Variants in EHMT1 observed in about 807,000 individuals in gnomAD.
EHMT1 encodes the protein euchromatic histone lysine methyltransferase 1.
Under a neutral mutation model 147.2 loss-of-function variants are expected in EHMT1, and 15 were observed. The ratio of observed to expected loss-of-function variants is 0.10; its 90% CI spans 0.07 to 0.16. The LOEUF (loss-of-function observed/expected upper bound fraction) is 0.16. EHMT1 is among the 10% of genes least tolerant of loss of function. The probability of loss-of-function intolerance (pLI) is 1.00; values close to 1 mark genes in which losing one functional copy is unlikely to be tolerated. For missense variants in EHMT1, 1,587 were observed against 1,772.4 expected, an observed-to-expected ratio of 0.90 and a Z score of 1.88; for synonymous variants, 795 against 709.6, an observed-to-expected ratio of 1.12 and a Z score of -1.91.
intron 1 of EHMT1, among the ~76,000 whole-genome samples, chr9:137,621,676 G>T (rs1262505702): frequency 6.6e-6 from 1 of 152,086 alleles, no homozygotes; most frequent in Non-Finnish European, 1.5e-5. Flanking sequence ...CCCATTTGTG[G>T]ATTAGTTAGT....
intron 6 of EHMT1, among the ~76,000 whole-genome samples, chr9:137,745,057 A>G (rs1284831092): frequency 2.6e-5 from 4 of 152,260 alleles, no homozygotes; most frequent in Admixed American, 2.0e-4. Context: ...AGTGTGTCCA[A>G]CCATGTTTAT....
At chr9:137,649,833 G>T (rs1025110683) in intron 1 of EHMT1, among the ~76,000 whole-genome samples, 1 of 152,166 alleles carries the variant, frequency 6.6e-6, no homozygotes, top group Non-Finnish European at 1.5e-5. Context: ...CTCCAGAACT[G>T]CGAAAAGATA....
At chr9:137,695,157 C>T (rs28545345) in intron 1 of EHMT1, among the ~76,000 whole-genome samples, 6,011 of 152,308 alleles carry the variant, frequency 0.039, 400 homozygotes, top group African/African-American at 0.13. Flanking sequence ...GGCCGCCCGG[C>T]CCTGTGTGCC....
chr9:137,816,148 T>A, intron 23 of EHMT1, 86 bp downstream of exon 23: 1 of 1,281,656 alleles, frequency 7.8e-7, no homozygotes, highest in Non-Finnish European at 1.1e-6. Flanking sequence ...GACAAGAACT[T>A]AACGTGTTTG....
At chr9:137,712,592 G>A (rs773404300) in intron 2 of EHMT1, among the ~76,000 whole-genome samples, 6 of 152,198 alleles carry the variant, frequency 3.9e-5, no homozygotes, top group Non-Finnish European at 5.9e-5. Context: ...CTTCTTTGGA[G>A]AAATATCTCT....
Position 137,758,006 on chromosome 9 carries a change from C to T in EHMT1, c.1496C>T (p.Ala499Val), listed in dbSNP as rs755121153. The T allele has an allele frequency of 5.0e-5, 81 of 1,613,928 alleles. No homozygotes were observed. In the South Asian group the frequency reaches 6.0e-4, roughly 12 times the overall value. ...GTCAAAGGAATTCTGTCTTCACAAG[C>T]AGAAGGTGAATGTGGTGGTGTAACT... The part of the protein sequence containing the change: ...LRVKGILSSQ[A>V]EGLANGPDVL... The change falls in exon 9 of 27, where the codon GCA (alanine) becomes GTA (valine). Residue 499 changes from alanine to valine, a missense_variant. Transcript: ENST00000460843.
intron 1 of EHMT1, among the ~76,000 whole-genome samples, chr9:137,660,611 T>C (rs1208617860): frequency 1.3e-5 from 2 of 152,356 alleles, no homozygotes; most frequent in Admixed American, 6.5e-5. Flanking sequence ...CGGATATTAA[T>C]TGGAATTGCA....
intron 19 of EHMT1, among the ~76,000 whole-genome samples, chr9:137,812,687 C>T (rs918224980): frequency 6.6e-6 from 1 of 152,246 alleles, no homozygotes; most frequent in Non-Finnish European, 1.5e-5. Flanking sequence ...CTCCTTGCTT[C>T]CCTTCTTATC....
At chr9:137,774,215 C>A (rs1434889466) in intron 10 of EHMT1, among the ~76,000 whole-genome samples, 1 of 152,270 alleles carries the variant, frequency 6.6e-6, no homozygotes, top group Non-Finnish European at 1.5e-5. Flanking sequence ...ATACCCAGCC[C>A]AGAACCCCTC....
chr9:137,728,306 C>T (rs763509654), intron 3 of EHMT1, 43 bp from the exon 4 acceptor site: 2 of 1,613,400 alleles, frequency 1.2e-6, no homozygotes, highest in African/African-American at 1.3e-5. Flanking sequence ...TCAGTGACCA[C>T]CTGCTTATGC....
Position 137,711,025 on chromosome 9 carries a change from G to T in EHMT1, c.80G>T (p.Gly27Val). The T allele has an allele frequency of 1.3e-6, 2 of 1,591,962 alleles. No homozygotes were observed. The highest frequency in any genetic ancestry group is 1.3e-5 in the African/African-American group (1 of 74,722). ...TGCTGTGTGAAAACCGAGCTGCTGG[G>T]AGAAGGTGAGGGCGGTGTGCACCGA... The part of the protein sequence containing the change: ...QDCCVKTELL[G>V]EETPMAADEG... The change falls in exon 2 of 27, where the codon GGA becomes GTA. Residue 27 changes from glycine (G) to valine (V), a missense_variant. Around this residue, in one of 7 missense-constraint regions of EHMT1, gnomAD observed 810 missense variants for 673.0 expected, o/e 1.20. Transcript: ENST00000460843.
At chr9:137,763,042 A>C in intron 10 of EHMT1, 1 of 632,466 alleles carries the variant, frequency 1.6e-6, no homozygotes, top group Non-Finnish European at 2.8e-6. Context: ...CTGTGTAGAC[A>C]AAGTCTTTGA....
intron 1 of EHMT1, among the ~76,000 whole-genome samples, chr9:137,648,859 C>T (rs1417579148): frequency 1.3e-5 from 2 of 152,218 alleles, no homozygotes; most frequent in African/African-American, 4.8e-5. Flanking sequence ...CCTGACTTCT[C>T]TCCCTATCAT....
chr9:137,744,198 T>G (rs1948355744), intron 6 of EHMT1, 108 bp downstream of exon 6: 7 of 1,131,190 alleles, frequency 6.2e-6, no homozygotes, highest in Middle Eastern at 2.0e-4. Flanking sequence ...TAAAATCCCC[T>G]GTTTACAATT....
chr9:137,690,357 G>T (rs1942829771), intron 1 of EHMT1, among the ~76,000 whole-genome samples: 1 of 151,946 alleles, frequency 6.6e-6, no homozygotes, highest in Non-Finnish European at 1.5e-5. Context: ...TAATCAGACA[G>T]CAGGAGGCTG....
chr9:137,814,599 T>G (rs1954774521), intron 22 of EHMT1, 91 bp downstream of exon 22: 8 of 1,461,248 alleles, frequency 5.5e-6, no homozygotes, highest in Non-Finnish European at 7.6e-6. Context: ...ACCCCAGCGC[T>G]GTCGTGGCAG....
chr9:137,695,459 C>A (rs754434141), intron 1 of EHMT1, among the ~76,000 whole-genome samples: 1 of 152,220 alleles, frequency 6.6e-6, no homozygotes, highest in Non-Finnish European at 1.5e-5. Flanking sequence ...AGGGACTGCA[C>A]TGCCCTGAAA....
At chr9:137,767,753 C>T (rs981369999) in intron 10 of EHMT1, among the ~76,000 whole-genome samples, 1 of 152,056 alleles carries the variant, frequency 6.6e-6, no homozygotes, top group Non-Finnish European at 1.5e-5. Flanking sequence ...GTGGAGATTG[C>T]AGCGTGCCAA....
intron 25 of EHMT1, among the ~76,000 whole-genome samples, chr9:137,827,452 G>T (rs909038643): frequency 5.3e-5 from 8 of 152,144 alleles, no homozygotes; most frequent in African/African-American, 1.9e-4. Flanking sequence ...CCGGACCCCA[G>T]ACCCCAGACC....
Sources: gnomAD v4.1 joint callset for allele counts (sites outside exome capture counted in the v4.1 genomes callset) on GRCh38, gnomAD v4.1.1 for gene constraint, gnomAD v4.1.1 regional missense constraint, MANE v1.5 for transcripts, NCBI Gene and HGNC (gene_info 2026-07-23, HGNC 2026-07-21) for gene names.